Variants in AFF3 observed in about 807,000 individuals in gnomAD.
The protein encoded by AFF3 is ALF transcription elongation factor 3.
AFF3 carries 32 observed loss-of-function variants against 129.7 expected under a neutral mutation model. The ratio of observed to expected loss-of-function variants is 0.25; its 90% CI spans 0.19 to 0.33. AFF3 has a LOEUF of 0.33. AFF3 is among the 10% of genes least tolerant of loss of function. AFF3 has a pLI of 1.00. For missense variants in AFF3, 1,373 were observed against 1,592.0 expected, an observed-to-expected ratio of 0.86 and a Z score of 2.34; for synonymous variants, 644 against 635.4, an observed-to-expected ratio of 1.01 and a Z score of -0.20.
At chr2:99,720,992 C>T (rs191162514) in intron 11 of AFF3, among the ~76,000 whole-genome samples, 13 of 152,180 alleles carry the variant, frequency 8.5e-5, no homozygotes, top group Admixed American at 7.2e-4. Flanking sequence ...CATCACAAAT[C>T]CCACAAAATA....
intron 4 of AFF3, among the ~76,000 whole-genome samples, chr2:100,029,625 CAG>C (rs1270496336): frequency 6.6e-6 from 1 of 152,092 alleles, no homozygotes; most frequent in African/African-American, 2.4e-5. Context: ...TTCATTGAGA[CAG>C]AAAGTAGAAG....
At chr2:99,564,956 T>C (rs552336222) in intron 20 of AFF3, among the ~76,000 whole-genome samples, 16 of 152,196 alleles carry the variant, frequency 1.1e-4, no homozygotes, top group African/African-American at 3.6e-4. Flanking sequence ...GGAGGATAAG[T>C]GTTTGCCATC....
intron 13 of AFF3, among the ~76,000 whole-genome samples, chr2:99,644,358 T>C (rs1200085077): frequency 6.6e-6 from 1 of 152,200 alleles, no homozygotes; most frequent in African/African-American, 2.4e-5. Context: ...CCTCTCTCTT[T>C]TTTTTTAAGT....
intron 7 of AFF3, among the ~76,000 whole-genome samples, chr2:99,912,197 A>T (rs543038526): frequency 6.6e-6 from 1 of 152,360 alleles, no homozygotes; most frequent in South Asian, 2.1e-4. Flanking sequence ...CTATTTATTA[A>T]CATAAGAACC....
At chr2:100,063,900 A>C (rs1256389376) in intron 4 of AFF3, among the ~76,000 whole-genome samples, 3 of 151,868 alleles carry the variant, frequency 2.0e-5, no homozygotes, top group African/African-American at 7.3e-5. Context: ...GACCATCCTG[A>C]CCAACATGGA....
At chr2:99,923,022 G>C (rs1576355361) in intron 7 of AFF3, among the ~76,000 whole-genome samples, 1 of 152,100 alleles carries the variant, frequency 6.6e-6, no homozygotes, top group Non-Finnish European at 1.5e-5. Context: ...CCTTATAAAT[G>C]TTTCTGATTT....
chr2:100,054,106 C>G (rs569091198), intron 4 of AFF3, among the ~76,000 whole-genome samples: 1 of 152,300 alleles, frequency 6.6e-6, no homozygotes, highest in South Asian at 2.1e-4. Context: ...TCTACACCTG[C>G]TGAACAGTGT....
intron 2 of AFF3, among the ~76,000 whole-genome samples, chr2:100,113,880 TG>T (rs368436924): frequency 1.6e-4 from 24 of 148,748 alleles, no homozygotes; most frequent in African/African-American, 4.2e-4. Flanking sequence ...TGCCTTGAGG[TG>T]GGGGGGTTGT....
At chr2:99,649,541 A>C in intron 13 of AFF3, 85 bp downstream of exon 13, 1 of 1,458,604 alleles carries the variant, frequency 6.9e-7, no homozygotes, top group Non-Finnish European at 9.5e-7. Flanking sequence ...TAGGGACAAA[A>C]TCCGATTATG....
At chr2:99,994,676 C>A (rs1331908169) in intron 7 of AFF3, among the ~76,000 whole-genome samples, 2 of 152,088 alleles carry the variant, frequency 1.3e-5, no homozygotes, top group Non-Finnish European at 2.9e-5. Context: ...CAGGCATACG[C>A]AAAGACAGAA....
chr2:99,943,235 A>G (rs927174815), intron 7 of AFF3, among the ~76,000 whole-genome samples: 9 of 152,210 alleles, frequency 5.9e-5, no homozygotes, highest in African/African-American at 2.2e-4. Context: ...AACTGATGCA[A>G]CCTGCCCCCT....
chr2:99,894,673 C>T (rs1693809244), intron 7 of AFF3, among the ~76,000 whole-genome samples: 1 of 151,696 alleles, frequency 6.6e-6, no homozygotes, highest in Non-Finnish European at 1.5e-5. Flanking sequence ...GATGAGGTTT[C>T]ACCATGTTAG....
At chr2:99,658,246 A>T (rs780749772) in intron 12 of AFF3, among the ~76,000 whole-genome samples, 39 of 152,216 alleles carry the variant, frequency 2.6e-4, no homozygotes, top group Admixed American at 4.6e-4. Context: ...CATTCTGAAC[A>T]CCATGAAAGC....
intron 13 of AFF3, among the ~76,000 whole-genome samples, chr2:99,607,221 G>C (rs1465490924): frequency 1.3e-5 from 2 of 151,990 alleles, no homozygotes; most frequent in Non-Finnish European, 2.9e-5. Context: ...GGCTAAGTCT[G>C]AATGCAGATC....
rs993830332 is a variant in AFF3 at position 99,949,242 on chromosome 2, T to C, written c.873+57390A>G. Among the ~76,000 whole-genome samples the C allele has an allele frequency of 3.2e-4, 49 of 152,244 alleles. 1 individual carries two copies. The highest frequency in any genetic ancestry group is 1.1e-3 in the African/African-American group (47 of 41,470). On this transcript the variant is annotated intron_variant, in intron 7 of 24. Transcript: ENST00000672756. ...AAGTACTTAACACATCCATTTAGGA[T>C]ATTTTATTGCTTCTAGCATTCATAT...
chr2:99,827,665 A>G (rs1353031993), intron 8 of AFF3, among the ~76,000 whole-genome samples: 2 of 151,962 alleles, frequency 1.3e-5, no homozygotes, highest in Admixed American at 1.3e-4. Context: ...ATATGTATAT[A>G]TATACACACA....
chr2:99,993,421 G>C (rs1033364699), intron 7 of AFF3, among the ~76,000 whole-genome samples: 4 of 151,904 alleles, frequency 2.6e-5, no homozygotes, highest in Admixed American at 6.6e-5. Flanking sequence ...TTAAAATCTT[G>C]TAAATTCTCA....
chr2:99,952,694 G>A (rs865867218), intron 7 of AFF3, among the ~76,000 whole-genome samples: 39 of 152,194 alleles, frequency 2.6e-4, no homozygotes, highest in Non-Finnish European at 2.6e-4. Context: ...TGAAAAGGGT[G>A]AGCCTGCAGA....
rs1679041315 is a variant in AFF3, at chr2:99,594,078, T to C, written c.1583A>G (p.Lys528Arg). 1.9e-6 allele frequency: 3 copies of C among 1,613,988 alleles called. No homozygotes were observed. The highest frequency in any genetic ancestry group is 2.5e-6 in the Non-Finnish European group (3 of 1,179,954). ...LREKEIKSTC[K>R]EEQRPRTANK... ...GGCTGTCCTTGGCCTTTGCTCCTCCTTGCAAGTGCTCTTGATCTCCTTCTC... is the reference window on the plus strand; with the variant it reads ...GGCTGTCCTTGGCCTTTGCTCCTCCCTGCAAGTGCTCTTGATCTCCTTCTC... Residue 528 changes from lysine to arginine, a missense_variant, in exon 15 of 25, where the codon AAG (lysine) becomes AGG (arginine). Lys to Arg is a conservative substitution (Grantham distance 26). Around this residue, in one of 9 missense-constraint regions of AFF3, gnomAD observed 413 missense variants for 424.4 expected, o/e 0.97. Transcript: ENST00000672756.
Sources: allele counts gnomAD v4.1 joint callset (sites outside exome capture counted in the v4.1 genomes callset), GRCh38; gene constraint gnomAD v4.1.1; regional missense constraint gnomAD v4.1.1; transcripts MANE v1.5; gene names NCBI Gene and HGNC (gene_info 2026-07-23, HGNC 2026-07-21).